The following MRPL15 variants were observed in gnomAD, a reference collection of about 807,000 sequenced individuals.
MRPL15 encodes the protein large ribosomal subunit protein uL15m.
A neutral mutation model predicts 28.0 loss-of-function variants in MRPL15; 24 were observed. The ratio of observed to expected loss-of-function variants is 0.86; its 90% confidence interval spans 0.62 to 1.21. The LOEUF (loss-of-function observed/expected upper bound fraction) is 1.21, where lower values mean the gene tolerates loss of function less well. Among genes scored for constraint, MRPL15 ranks in the 50% most tolerant of loss-of-function variants. The pLI is 0.00. For synonymous variants in MRPL15, 124 were observed against 137.0 expected (o/e 0.90, Z 0.66); for missense variants, 343 against 372.4 (o/e 0.92, Z 0.65).
chr8:54,148,198 A>G lies in MRPL15; in HGVS notation c.*479A>G, dbSNP rs1407192193. 6.6e-6 allele frequency among the ~76,000 whole-genome samples: 1 copy of G among 152,236 alleles called. No individual in the cohort carries two copies. Among genetic ancestry groups the G allele is most frequent in the Non-Finnish European group, 1.5e-5 (1 of 68,044 alleles). ...AACCCTCAACTCGAAGAGTAAGATC[A>G]GGACGTATGCTTAAGGTGTAAGGCT... On this transcript the variant is annotated 3_prime_UTR_variant, in exon 5 of 5. Transcript: ENST00000260102.
At chr8:54,140,089 ACTTT>A (rs200749983) in intron 3 of MRPL15, among the ~76,000 whole-genome samples, 1 of 152,324 alleles carries the variant, frequency 6.6e-6, no homozygotes, top group East Asian at 1.9e-4. Context: ...ACTGGGAGCC[ACTTT>A]CTTTCAGCTT....
rs1360000054 is a variant in MRPL15 at position 54,147,705 on chromosome 8, T to C, written c.877T>C (p.Tyr293His). The C allele has an allele frequency of 1.9e-6, 3 of 1,607,954 alleles. No homozygotes were observed. Among genetic ancestry groups the C allele is most frequent in the Non-Finnish European group, 8.5e-7 (1 of 1,176,820 alleles). ...ACCTACAGATGAAAATCTCCTTAAG[T>C]ATTATACCTCATGAATTCCCGTCCA... ...LKPTDENLLK[Y>H]YTS The change falls in exon 5 of 5, where the codon TAT becomes CAT. Residue 293 changes from tyrosine to histidine, a missense_variant. Coordinates refer to ENST00000260102, the MANE Select transcript of MRPL15 (RefSeq NM_014175.4).
Position 54,147,417 on chromosome 8 carries a change from G to C in MRPL15, c.589G>C (p.Gly197Arg). The change falls in exon 5 of 5, where the codon GGA becomes CGA. Residue 197 changes from glycine (G) to arginine (R), a missense_variant. Physicochemically the swap from Gly to Arg is moderately radical, Grantham distance 125 (BLOSUM62 -2). Coordinates refer to ENST00000260102, the MANE Select transcript of MRPL15 (RefSeq NM_014175.4). ...CAAACCTGTTCCATTCTTTCTTCGTGGACAACCCATTCCAAAAAGAATGCT... is the reference window on the plus strand; with the variant it reads ...CAAACCTGTTCCATTCTTTCTTCGTCGACAACCCATTCCAAAAAGAATGCT... ...VCKPVPFFLR[G>R]QPIPKRMLPP... The C allele has an allele frequency of 1.9e-6, 3 of 1,613,272 alleles. No individual in the cohort carries two copies. The highest frequency in any genetic ancestry group is 1.3e-5 in the African/African-American group (1 of 74,934).
chr8:54,140,720 C>A (rs932017962), intron 3 of MRPL15, among the ~76,000 whole-genome samples: 1 of 151,830 alleles, frequency 6.6e-6, no homozygotes, highest in Non-Finnish European at 1.5e-5. Context: ...ACTACAGGCA[C>A]CCGCCACCAT....
rs1389752977 is a variant in MRPL15 at position 54,147,243 on chromosome 8, T to A, written c.554-139T>A. 35 of 657,992 alleles carry A rather than the reference T, an allele frequency of 5.3e-5. No individual in the cohort carries two copies. In the East Asian group the frequency reaches 8.7e-4, roughly 16 times the overall value. The allele number at this position is 657,992 out of a possible 1,614,324, so 40.8% of individuals were successfully genotyped here. ...GTGAAACTGCGTCTCAAAAAAAAAA[T>A]AATAAAAATTAATAATCAAGAGAAA... On this transcript the variant is annotated intron_variant, in intron 4 of 4. Coordinates refer to ENST00000260102, the MANE Select transcript of MRPL15 (RefSeq NM_014175.4).
chr8:54,141,617 A>G lies in MRPL15; in HGVS notation c.430-1046A>G, dbSNP rs1445031810. On this transcript the variant is annotated intron_variant, in intron 3 of 4. Coordinates refer to ENST00000260102, the MANE Select transcript of MRPL15 (RefSeq NM_014175.4). Reference sequence around the variant, plus strand: ...ATAGTCGTCCCTTAGGATTGGTTCCATGACCGCCTCCTCTCACTACAATCC... The same window carrying G: ...ATAGTCGTCCCTTAGGATTGGTTCCGTGACCGCCTCCTCTCACTACAATCC... Among the ~76,000 whole-genome samples, 3 of 152,198 alleles carry G rather than the reference A, an allele frequency of 2.0e-5. No individual in the cohort carries two copies. In the East Asian group the frequency reaches 5.8e-4, roughly 29 times the overall value.
intron 3 of MRPL15, among the ~76,000 whole-genome samples, chr8:54,138,301 CTTTTTTTTTTTTT>C (rs71254537): frequency 5.3e-5 from 3 of 56,990 alleles, no homozygotes; most frequent in South Asian, 1.6e-3. Flanking sequence ...TCAGGAAGAT[CTTTTTTTTTTTTT>C]TTTTTTTTTT....
chr8:54,137,761 G>C (rs1298485279), intron 3 of MRPL15, among the ~76,000 whole-genome samples: 2 of 151,986 alleles, frequency 1.3e-5, no homozygotes, highest in African/African-American at 4.8e-5. Context: ...ACCATGCCTG[G>C]CCCGTAGGAG....
chr8:54,139,563 C>T (rs1484777484), intron 3 of MRPL15, among the ~76,000 whole-genome samples: 1 of 152,098 alleles, frequency 6.6e-6, no homozygotes, highest in Non-Finnish European at 1.5e-5. Context: ...ACCTTATCAG[C>T]CCTTAAACTG....
At chr8:54,144,390 A>G (rs1370800300) in intron 4 of MRPL15, among the ~76,000 whole-genome samples, 1 of 152,238 alleles carries the variant, frequency 6.6e-6, no homozygotes, top group East Asian at 1.9e-4. Flanking sequence ...TAAAAGGGAA[A>G]AAGGGAAGGA....
Position 54,142,714 on chromosome 8 carries a change from G to GAACT in MRPL15, c.483_486dup (p.Ala163ThrfsTer7). On this transcript the variant is annotated frameshift_variant, in exon 4 of 5. Transcript: ENST00000260102. LOFTEE classifies it high-confidence loss of function. Reference sequence around the variant, plus strand: ...TAATATTGAAGTACAGTTGGCTTCAGAACTAGCTATTGCTGCCATTGAAAA... The same window carrying GAACT: ...TAATATTGAAGTACAGTTGGCTTCAGAACTAACTAGCTATTGCTGCCATTGAAAA... 6.2e-7 allele frequency: 1 copy of GAACT among 1,614,150 alleles called. No individual in the cohort carries two copies.
At chr8:54,140,574 C>CTTTTCTTTTTTT (rs1484112931) in intron 3 of MRPL15, among the ~76,000 whole-genome samples, 2 of 99,610 alleles carry the variant, frequency 2.0e-5, no homozygotes, top group East Asian at 5.4e-4. Flanking sequence ...ATTTTCTTTT[C>CTTTTCTTTTTTT]TTTTTTTTTT....
At chr8:54,147,097 C>T (rs770798493) in intron 4 of MRPL15, among the ~76,000 whole-genome samples, 1 of 151,964 alleles carries the variant, frequency 6.6e-6, no homozygotes, top group East Asian at 1.9e-4. Context: ...CCGGGCGTGG[C>T]GGCATGTGCC....
At position 54,147,260 on chromosome 8, in the gene MRPL15, CAA is replaced by C. The variant is rs1215558874; in HGVS notation, c.554-121_554-120del. The C allele has an allele frequency of 7.1e-6, 5 of 700,230 alleles. No homozygotes were observed. In the African/African-American group the frequency reaches 9.0e-5, roughly 13 times the overall value. 43.4% of individuals were successfully genotyped at this position (700,230 alleles called of 1,614,324 possible). A position where few individuals can be genotyped will look rare whatever the true frequency, so the allele number is the denominator to read the frequency against. ...AAAAAAAATAATAAAAATTAATAAT[CAA>C]GAGAAACTCTGTAACATCTCTATGG... On this transcript the variant is annotated intron_variant, in intron 4 of 4. Transcript: ENST00000260102.
chr8:54,145,594 C>A (rs1043439395), intron 4 of MRPL15, among the ~76,000 whole-genome samples: 17 of 152,044 alleles, frequency 1.1e-4, no homozygotes, highest in African/African-American at 3.6e-4. Context: ...CCACCTAGGC[C>A]CCCTGAGTAA....
chr8:54,135,684 C>T (rs1783390041), intron 1 of MRPL15, among the ~76,000 whole-genome samples: 1 of 151,234 alleles, frequency 6.6e-6, no homozygotes, highest in Non-Finnish European at 1.5e-5. Context: ...GCCATCACGC[C>T]CGGCTAATTT....
Position 54,135,322 on chromosome 8 carries a change from G to T in MRPL15, c.39G>T (p.Leu13=). The change falls in exon 1 of 5, where the codon CTG becomes CTT. Residue 13 remains leucine (L), a synonymous_variant. Transcript: ENST00000260102. The part of the protein sequence containing the change: ...GPLQGGGARA[L]DLLRGLPRVS... ...TGCAGGGCGGTGGGGCCCGGGCCCT[G>T]GACCTACTCCGGGGCCTGCCGCGTG... is the stretch of plus-strand genomic sequence containing the variant. 6.8e-7 allele frequency: 1 copy of T among 1,478,260 alleles called. No individual in the cohort carries two copies. The highest frequency in any genetic ancestry group is 9.0e-7 in the Non-Finnish European group (1 of 1,110,798). 91.6% of individuals were successfully genotyped at this position (1,478,260 alleles called of 1,614,324 possible).
intron 4 of MRPL15, among the ~76,000 whole-genome samples, chr8:54,147,134 A>G (rs1811057475): frequency 6.6e-6 from 1 of 152,172 alleles, no homozygotes; most frequent in Non-Finnish European, 1.5e-5. Flanking sequence ...TGGGAGGCTG[A>G]GGCAGGAGAA....
intron 1 of MRPL15, 95 bp from the exon 2 acceptor site, chr8:54,136,416 C>A (rs1810828422): frequency 4.4e-6 from 6 of 1,355,642 alleles, no homozygotes; most frequent in Non-Finnish European, 6.1e-6. Flanking sequence ...CACTGGTGGG[C>A]TGGATGAATG....
Sources: gnomAD v4.1 joint callset for allele counts (sites outside exome capture counted in the v4.1 genomes callset) on GRCh38, gnomAD v4.1.1 for gene constraint, MANE v1.5 for transcripts, NCBI Gene and HGNC (gene_info 2026-07-23, HGNC 2026-07-21) for gene names.